Variants in NTM observed in about 807,000 individuals in gnomAD.
The protein encoded by NTM is IgLON family member 2.
Under a neutral mutation model 42.1 loss-of-function variants are expected in NTM, and 13 were observed. The ratio of observed to expected loss-of-function variants is 0.31; its 90% CI spans 0.20 to 0.49. The LOEUF (loss-of-function observed/expected upper bound fraction) is 0.49, where lower values mean the gene tolerates loss of function less well. Among genes scored for constraint, NTM ranks in the 20% least tolerant of loss-of-function variants. The pLI, the probability that NTM is intolerant of heterozygous loss-of-function variation, is 0.99. For synonymous variants in NTM, 187 were observed against 179.2 expected, an observed-to-expected ratio of 1.04 and a Z score of -0.35; for missense variants, 373 against 452.8, an observed-to-expected ratio of 0.82 and a Z score of 1.60.
chr11:132,328,339 T>C (rs2095728177), intron 7 of NTM, among the ~76,000 whole-genome samples: 1 of 152,212 alleles, frequency 6.6e-6, no homozygotes, highest in African/African-American at 2.4e-5. Context: ...GGATGAGTTC[T>C]AGCTAAAGTC....
chr11:131,395,811 C>G (rs1944491243), intron 1 of NTM, among the ~76,000 whole-genome samples: 2 of 152,162 alleles, frequency 1.3e-5, no homozygotes, highest in African/African-American at 4.8e-5. Context: ...TCCTCTGACC[C>G]CTGTCCCTGC....
intron 4 of NTM, among the ~76,000 whole-genome samples, chr11:132,242,178 C>A (rs1199659511): frequency 6.6e-6 from 1 of 152,194 alleles, no homozygotes; most frequent in African/African-American, 2.4e-5. Flanking sequence ...ACTAGTGGAG[C>A]CTTCCCCATC....
intron 2 of NTM, among the ~76,000 whole-genome samples, chr11:131,948,856 C>T (rs1050140968): frequency 6.6e-6 from 1 of 152,194 alleles, no homozygotes; most frequent in Non-Finnish European, 1.5e-5. Context: ...AACATGAGAT[C>T]TGCCTTCTTA....
chr11:131,382,822 G>T lies in NTM; in HGVS notation c.82+11934G>T, dbSNP rs1942853112. 4.6e-5 allele frequency among the ~76,000 whole-genome samples: 7 copies of T among 152,308 alleles called. No homozygotes were observed. The South Asian group carries it at 1.5e-3, about 32-fold the overall frequency. On this transcript the variant is annotated intron_variant, in intron 1 of 8. Transcript: ENST00000683400. ...GCCAGAGCAGACTCTGCCAGCTGTA[G>T]TCTGACTGGCAAAGTAGAAAGTGAA... is the stretch of plus-strand genomic sequence containing the variant.
intron 1 of NTM, among the ~76,000 whole-genome samples, chr11:131,743,859 C>T (rs1382725335): frequency 6.6e-6 from 1 of 152,172 alleles, no homozygotes; most frequent in Non-Finnish European, 1.5e-5. Flanking sequence ...TACAATTCCC[C>T]AATGCATATT....
At chr11:132,297,388 G>A (rs909843105) in intron 4 of NTM, among the ~76,000 whole-genome samples, 3 of 152,160 alleles carry the variant, frequency 2.0e-5, no homozygotes, top group Non-Finnish European at 4.4e-5. Flanking sequence ...GATGCTGCTT[G>A]CAAAGGGAAA....
At chr11:131,735,289 C>G (rs775211870) in intron 1 of NTM, among the ~76,000 whole-genome samples, 2 of 152,198 alleles carry the variant, frequency 1.3e-5, no homozygotes. Flanking sequence ...AATGGGGTTC[C>G]CACTTCATTT....
At chr11:131,886,950 C>T (rs1317998825) in intron 1 of NTM, among the ~76,000 whole-genome samples, 1 of 152,216 alleles carries the variant, frequency 6.6e-6, no homozygotes, top group Non-Finnish European at 1.5e-5. Flanking sequence ...AGTAGCTCCG[C>T]AAGCGAGCAC....
intron 1 of NTM, among the ~76,000 whole-genome samples, chr11:131,593,644 C>T (rs2137312026): frequency 6.6e-6 from 1 of 152,336 alleles, no homozygotes; most frequent in South Asian, 2.1e-4. Flanking sequence ...AACCCAAGTA[C>T]CTAGTCAAAG....
intron 4 of NTM, among the ~76,000 whole-genome samples, chr11:132,213,394 C>A (rs1252360103): frequency 6.6e-6 from 1 of 152,046 alleles, no homozygotes; most frequent in African/African-American, 2.4e-5. Context: ...TCCTCTACAT[C>A]GGCACAGCAG....
intron 1 of NTM, among the ~76,000 whole-genome samples, chr11:131,829,809 C>T (rs2042586984): frequency 6.6e-6 from 1 of 152,056 alleles, no homozygotes; most frequent in African/African-American, 2.4e-5. Flanking sequence ...AGTGTATAAG[C>T]ATTCCCTTTT....
At chr11:132,212,973 T>C (rs916765031) in intron 4 of NTM, among the ~76,000 whole-genome samples, 1 of 147,678 alleles carries the variant, frequency 6.8e-6, no homozygotes, top group African/African-American at 2.5e-5. Context: ...AAAAAAAGAG[T>C]ATGCAATATA....
intron 1 of NTM, among the ~76,000 whole-genome samples, chr11:131,875,069 G>T (rs745365827): frequency 2.6e-4 from 40 of 152,196 alleles, no homozygotes; most frequent in Admixed American, 6.5e-4. Context: ...CCTTGTCCTG[G>T]ATTCTCCACT....
chr11:131,789,628 GAAGAA>G (rs2090446898), intron 1 of NTM, among the ~76,000 whole-genome samples: 1 of 85,126 alleles, frequency 1.2e-5, no homozygotes, highest in Non-Finnish European at 2.3e-5. Context: ...AGAAGAAGAA[GAAGAA>G]GAAAAGAAGA....
chr11:132,149,953 A>T (rs10894516), intron 3 of NTM, among the ~76,000 whole-genome samples: 28,279 of 152,186 alleles, frequency 0.19, 2,731 homozygotes, highest in South Asian at 0.25. Flanking sequence ...GTCATGCAAG[A>T]CTACTGTTCC....
intron 1 of NTM, chr11:131,582,454 T>G (rs1323280009): frequency 6.6e-6 from 1 of 152,212 alleles, no homozygotes; most frequent in Non-Finnish European, 1.5e-5. Flanking sequence ...TAATATATGC[T>G]AAAGTTAACT....
chr11:131,751,279 AAAAT>A (rs1223466043), intron 1 of NTM, among the ~76,000 whole-genome samples: 2 of 151,690 alleles, frequency 1.3e-5, no homozygotes. Context: ...ACTAAAATAA[AAAAT>A]AAATAAATAA....
chr11:132,227,826 T>G (rs190498190), intron 4 of NTM, among the ~76,000 whole-genome samples: 1 of 152,240 alleles, frequency 6.6e-6, no homozygotes, highest in African/African-American at 2.4e-5. Flanking sequence ...AGGATTCCAC[T>G]GGGGATTGAT....
At chr11:131,976,139 CCTTCCTTCCTTCCTTCCTTT>C (rs1188887206) in intron 2 of NTM, among the ~76,000 whole-genome samples, 1 of 141,046 alleles carries the variant, frequency 7.1e-6, no homozygotes, top group African/African-American at 2.6e-5. Context: ...TTCCTTCCTT[CCTTCCTTCCTTCCTTCCTTT>C]CTTCCTTCCT....
Sources: gnomAD v4.1 joint callset for allele counts (sites outside exome capture counted in the v4.1 genomes callset) on GRCh38, gnomAD v4.1.1 for gene constraint, MANE v1.5 for transcripts, NCBI Gene and HGNC (gene_info 2026-07-23, HGNC 2026-07-21) for gene names.